SNX12: variants seen among roughly 807,000 people sequenced by gnomAD.
SNX12 encodes sorting nexin 12.
For missense variants in SNX12, 62 were observed against 141.3 expected, an observed-to-expected ratio of 0.44 and a Z score of 2.84; for synonymous variants, 47 against 56.0, an observed-to-expected ratio of 0.84 and a Z score of 0.71.
At chrX:71,071,199 T>G (rs2092170350), upstream of SNX12, among the ~76,000 whole-genome samples, 4 of 107,451 alleles carry the variant, frequency 3.7e-5, no homozygotes, top group South Asian at 1.5e-3. Context: ...CATCATAAAT[T>G]TCACTATCTT....
At position 71,061,011 on chromosome X, in the gene SNX12, G is replaced by A. The variant is rs757092277; in HGVS notation, c.*5C>T. ...AAAGTAGAGGGCAGGTGGTGAGAGG[G>A]GCTCCTACTGGCGCACCTTCCCCGG... On this transcript the variant is annotated 3_prime_UTR_variant, in exon 4 of 4. Transcript: ENST00000374274. 1.7e-6 allele frequency: 2 copies of A among 1,177,690 alleles called. No homozygotes were observed. The highest frequency in any genetic ancestry group is 3.5e-5 in the African/African-American group (2 of 56,573).
upstream of SNX12, among the ~76,000 whole-genome samples, chrX:71,070,423 T>C (rs935468105): frequency 8.9e-6 from 1 of 111,777 alleles, no homozygotes; most frequent in Non-Finnish European, 1.9e-5. Flanking sequence ...GGTGGTAGTA[T>C]AGTGTAGGGC....
chrX:71,068,077 C>G, intron 1 of SNX12, 65 bp downstream of exon 1: 18 of 812,075 alleles, frequency 2.2e-5, no homozygotes, highest in Non-Finnish European at 3.1e-5. Context: ...GCGGTAGCCT[C>G]CCTCCCCCCT....
At position 71,060,791 on chromosome X, in the gene SNX12, C is replaced by A; in HGVS notation, c.*225G>T. ...TAATCCCCCCACCCACCCACCCCAA[C>A]CCCAAGCAAAGGGCATCTGCCTGTG... On this transcript the variant is annotated 3_prime_UTR_variant, in exon 4 of 4. Transcript: ENST00000374274. The A allele has an allele frequency of 1.0e-5, 1 of 96,345 alleles. No homozygotes were observed. Among genetic ancestry groups the A allele is most frequent in the Non-Finnish European group, 2.0e-5 (1 of 49,349 alleles). 7.9% of individuals were successfully genotyped at this position (96,345 alleles called of 1,213,427 possible).
At position 71,068,320 on chromosome X, in the gene SNX12, A is replaced by G; in HGVS notation, c.-14T>C. On this transcript the variant is annotated 5_prime_UTR_variant, in exon 1 of 4. Transcript: ENST00000374274. ...CGTGTCCGACATCTTTCCGAAGGAG[A>G]GCCTGGGACCGGGGAAAGGGGGTGG... The G allele has an allele frequency of 4.2e-6, 5 of 1,183,630 alleles. No individual in the cohort carries two copies. Among genetic ancestry groups the G allele is most frequent in the Non-Finnish European group, 5.7e-6 (5 of 879,847 alleles).
chrX:71,069,978 G>C (rs1312599252), upstream of SNX12, among the ~76,000 whole-genome samples: 1 of 110,792 alleles, frequency 9.0e-6, no homozygotes, highest in Non-Finnish European at 1.9e-5. Context: ...AAGAGAGAGA[G>C]AGAGAGAGCG....
chrX:71,064,717 T>C (rs2092145295), intron 1 of SNX12, among the ~76,000 whole-genome samples: 2 of 113,052 alleles, frequency 1.8e-5, no homozygotes, highest in Non-Finnish European at 3.7e-5. Context: ...AAGTTCTAAA[T>C]AGAAATGGCC....
intron 1 of SNX12, among the ~76,000 whole-genome samples, chrX:71,064,344 T>G (rs2092143777): frequency 8.9e-6 from 1 of 112,203 alleles, no homozygotes; most frequent in African/African-American, 3.2e-5. Flanking sequence ...CTCTGAACTC[T>G]TCTGACAGTT....
chrX:71,071,855 AT>A (rs1225887247), upstream of SNX12, among the ~76,000 whole-genome samples: 5 of 102,253 alleles, frequency 4.9e-5, no homozygotes, highest in Non-Finnish European at 9.8e-5. Context: ...TATTTTTATA[AT>A]TTTCTAAAGG....
chrX:71,065,339 CAG>C (rs1007553042), intron 1 of SNX12, among the ~76,000 whole-genome samples: 1 of 77,753 alleles, frequency 1.3e-5, no homozygotes, highest in Admixed American at 1.8e-4. Flanking sequence ...GCCTGGGTGA[CAG>C]AGCAAGACTT....
Position 71,060,872 on chromosome X carries a change from T to C in SNX12, c.*144A>G. On this transcript the variant is annotated 3_prime_UTR_variant, in exon 4 of 4. Transcript: ENST00000374274. ...CTAGCAGAGTGCCCACATGGTGTAG[T>C]CAGGTACCAGGGAGCACAATGCCAG... 1 of 347,600 alleles carries C rather than the reference T, an allele frequency of 2.9e-6. No individual in the cohort carries two copies. Among genetic ancestry groups the C allele is most frequent in the East Asian group, 6.5e-5 (1 of 15,276 alleles). The allele number at this position is 347,600 out of a possible 1,213,427, so 28.6% of individuals were successfully genotyped here.
In SNX12 at chrX:71,068,075, C is replaced by T. The variant is rs999048259; in HGVS notation, c.165+67G>A. 5.5e-5 allele frequency: 57 copies of T among 1,043,479 alleles called. No homozygotes were observed. In the Admixed American group the frequency reaches 1.5e-3, roughly 28 times the overall value. 86.0% of individuals were successfully genotyped at this position (1,043,479 alleles called of 1,213,427 possible). A position where few individuals can be genotyped will look rare whatever the true frequency, so the allele number is the denominator to read the frequency against. Reference sequence around the variant, plus strand: ...CGCCGTTAGTTGCCCCCGCGGTAGCCTCCCTCCCCCCTCCCGCTCGCGCCG... The same window carrying T: ...CGCCGTTAGTTGCCCCCGCGGTAGCTTCCCTCCCCCCTCCCGCTCGCGCCG... On this transcript the variant is annotated intron_variant, in intron 1 of 3. Transcript: ENST00000374274.
chrX:71,063,441 G>A (rs373848487), intron 1 of SNX12, among the ~76,000 whole-genome samples: 143 of 106,616 alleles, frequency 1.3e-3, no homozygotes, highest in African/African-American at 4.8e-3. Context: ...AGGTTGCAGT[G>A]AGCCAAGATC....
upstream of SNX12, chrX:71,068,423 GCGCGCACGCGCGCCCACGCACGCA>G (rs1255064876): frequency 5.2e-6 from 3 of 572,090 alleles, no homozygotes; most frequent in South Asian, 3.8e-5. Flanking sequence ...GGCGGCGGCG[GCGCGCACGCGCGCCCACGCACGCA>G]CGCGCACGCC....
chrX:71,061,060 C>T lies in SNX12; in HGVS notation c.445G>A (p.Glu149Lys). Residue 149 changes from glutamate (E) to lysine (K), a missense_variant, in exon 4 of 4, where the codon GAG becomes AAG. Transcript: ENST00000374274. The stretch of plus-strand genomic sequence containing the variant: ...GGGACGTAGTTCCTGTCAATTGCCT[C>T]CTCTTGCAGGAACATGTGTAGGCAG... ...ERCLHMFLQE[E>K]AIDRNYVPGK... The T allele has an allele frequency of 8.3e-7, 1 of 1,210,628 alleles. No individual in the cohort carries two copies. The highest frequency in any genetic ancestry group is 1.1e-6 in the Non-Finnish European group (1 of 894,900).
intron 1 of SNX12, among the ~76,000 whole-genome samples, chrX:71,067,253 T>C (rs1314079808): frequency 8.9e-6 from 1 of 112,243 alleles, no homozygotes; most frequent in Non-Finnish European, 1.9e-5. Flanking sequence ...AAGCCACTCC[T>C]GGGCAATTCT....
chrX:71,070,890 AG>A (rs1353397054), upstream of SNX12, among the ~76,000 whole-genome samples: 3 of 110,811 alleles, frequency 2.7e-5, no homozygotes, highest in Middle Eastern at 8.4e-3. Context: ...GACGGCAGGG[AG>A]GGTTGTTTTT....
At chrX:71,071,712 A>C (rs1288038697), upstream of SNX12, among the ~76,000 whole-genome samples, 1 of 73,674 alleles carries the variant, frequency 1.4e-5, no homozygotes, top group Non-Finnish European at 2.4e-5. Flanking sequence ...ATATATAGAT[A>C]TATAAATATA....
At chrX:71,068,488 C>G (rs2092163717), upstream of SNX12, 1 of 322,357 alleles carries the variant, frequency 3.1e-6, no homozygotes, top group Non-Finnish European at 5.3e-6. Context: ...CTCTGAATAG[C>G]GGCCGTGCTG....
Sources: allele counts gnomAD v4.1 joint callset (sites outside exome capture counted in the v4.1 genomes callset), GRCh38; gene constraint gnomAD v4.1.1; transcripts MANE v1.5; gene names NCBI Gene and HGNC (gene_info 2026-07-23, HGNC 2026-07-21).